The following RGS20 variants were observed in gnomAD, a reference collection of about 807,000 sequenced individuals.
The protein encoded by RGS20 is regulator of G protein signaling 20.
Under a neutral mutation model 33.6 loss-of-function variants are expected in RGS20, and 30 were observed. The ratio of observed to expected loss-of-function variants is 0.89; its 90% CI spans 0.67 to 1.21. The LOEUF (loss-of-function observed/expected upper bound fraction) is 1.21. Ranked by LOEUF, RGS20 falls within the 50% of genes most tolerant of loss-of-function variation. The pLI is 0.00. For missense variants in RGS20, 472 were observed against 502.4 expected (o/e 0.94, Z 0.58); for synonymous variants, 208 against 197.9 (o/e 1.05, Z -0.43).
chr8:53,910,404 C>T (rs1193618278), intron 2 of RGS20, among the ~76,000 whole-genome samples: 3 of 141,004 alleles, frequency 2.1e-5, no homozygotes, highest in Non-Finnish European at 4.6e-5. Flanking sequence ...GCCACTTACG[C>T]CTATTAAAAT....
chr8:53,911,417 A>G (rs1396733855), intron 2 of RGS20, among the ~76,000 whole-genome samples: 6 of 152,242 alleles, frequency 3.9e-5, no homozygotes, highest in African/African-American at 1.4e-4. Flanking sequence ...AGAAAAGCCC[A>G]AACCATCAGA....
rs144346562 is a variant in RGS20 at position 53,950,172 on chromosome 8, A to G, written c.743+3424A>G. Among the ~76,000 whole-genome samples, 6 of 152,324 alleles carry G rather than the reference A, an allele frequency of 3.9e-5. No individual in the cohort carries two copies. In the East Asian group the frequency reaches 1.2e-3, roughly 29 times the overall value. ...ACATTTCTTTAAGAAATGACCTGGA[A>G]GATTTGAAAAGAAATAAAATAGAAG... On this transcript the variant is annotated intron_variant, in intron 4 of 5. Coordinates refer to ENST00000297313, the MANE Select transcript of RGS20 (RefSeq NM_170587.4).
intron 4 of RGS20, among the ~76,000 whole-genome samples, chr8:53,952,476 A>T (rs1175401683): frequency 6.6e-6 from 1 of 151,880 alleles, no homozygotes; most frequent in Non-Finnish European, 1.5e-5. Context: ...CTATAATCCC[A>T]GCACTTCGGG....
Position 53,879,350 on chromosome 8 carries a change from C to T in RGS20, c.258C>T (p.Phe86=). The stretch of plus-strand genomic sequence containing the variant: ...CGCTTTCCAGCCTCGCAAGGTTCTT[C>T]TCTCACCTTCTCCGGCGACCCCCTC... The change falls in exon 2 of 6, where the codon TTC becomes TTT. Residue 86 remains phenylalanine, a synonymous_variant. Transcript: ENST00000297313. The T allele has an allele frequency of 1.2e-6, 2 of 1,612,292 alleles. No homozygotes were observed. Among genetic ancestry groups the T allele is most frequent in the Non-Finnish European group, 1.7e-6 (2 of 1,179,978 alleles).
In RGS20 at chr8:53,857,525, T is replaced by C. The variant is rs537363979; in HGVS notation, c.165+5461T>C. 2.0e-5 allele frequency among the ~76,000 whole-genome samples: 3 copies of C among 152,322 alleles called. No homozygotes were observed. In the South Asian group the frequency reaches 6.2e-4, roughly 32 times the overall value. On this transcript the variant is annotated intron_variant, in intron 1 of 5. Coordinates refer to ENST00000297313, the MANE Select transcript of RGS20 (RefSeq NM_170587.4). ...AGAGGGGGGATGGAGAAAGGGAAGA[T>C]GTTGGTCAAAGGGCACAAAGTATCA...
chr8:53,950,450 T>C (rs1463660216), intron 4 of RGS20, among the ~76,000 whole-genome samples: 2 of 152,138 alleles, frequency 1.3e-5, no homozygotes, highest in African/African-American at 4.8e-5. Context: ...AGTCCAAAAC[T>C]TCAAATTATT....
At chr8:53,938,551 AAAAT>A (rs1483882370) in intron 2 of RGS20, among the ~76,000 whole-genome samples, 5 of 152,206 alleles carry the variant, frequency 3.3e-5, no homozygotes, top group Admixed American at 6.5e-5. Flanking sequence ...TTAAAAAATA[AAAAT>A]AAATAAAATA....
At chr8:53,900,554 T>C (rs902922388) in intron 2 of RGS20, among the ~76,000 whole-genome samples, 3 of 152,156 alleles carry the variant, frequency 2.0e-5, no homozygotes, top group African/African-American at 7.2e-5. Context: ...AAAATATCAA[T>C]AAGTACTAAA....
intron 2 of RGS20, among the ~76,000 whole-genome samples, chr8:53,934,599 T>C (rs543484369): frequency 2.0e-5 from 3 of 152,232 alleles, no homozygotes; most frequent in South Asian, 2.1e-4. Flanking sequence ...GGAGCATCCA[T>C]ATTCATAAAG....
intron 4 of RGS20, among the ~76,000 whole-genome samples, chr8:53,947,662 A>T (rs1177949960): frequency 5.5e-5 from 5 of 90,598 alleles, no homozygotes; most frequent in South Asian, 4.2e-4. Context: ...TATATATGCT[A>T]TATATAGGAT....
intron 1 of RGS20, among the ~76,000 whole-genome samples, chr8:53,868,240 G>A (rs1811964734): frequency 1.3e-5 from 2 of 152,178 alleles, no homozygotes; most frequent in Admixed American, 6.5e-5. Context: ...GGTCTAAGAT[G>A]ATGAATGTGG....
chr8:53,912,181 C>T (rs1813363074), intron 2 of RGS20, among the ~76,000 whole-genome samples: 2 of 152,042 alleles, frequency 1.3e-5, no homozygotes, highest in South Asian at 4.2e-4. Flanking sequence ...TCACCAGTAT[C>T]GCCTCATTTA....
At chr8:53,863,918 A>G (rs1283657707) in intron 1 of RGS20, among the ~76,000 whole-genome samples, 26 of 151,812 alleles carry the variant, frequency 1.7e-4, no homozygotes, top group Admixed American at 1.7e-3. Context: ...TAGTAGAGAC[A>G]GGGTTTCACC....
chr8:53,916,750 C>T (rs1347233422), intron 2 of RGS20, among the ~76,000 whole-genome samples: 2 of 152,066 alleles, frequency 1.3e-5, no homozygotes, highest in East Asian at 1.9e-4. Flanking sequence ...TTCCATAGGC[C>T]GGGTGGCTCA....
intron 2 of RGS20, among the ~76,000 whole-genome samples, chr8:53,910,653 T>G (rs1813325305): frequency 6.6e-6 from 1 of 152,238 alleles, no homozygotes; most frequent in Non-Finnish European, 1.5e-5. Flanking sequence ...ATAGAAGCTT[T>G]ATTCATAAGC....
At chr8:53,882,899 CG>C (rs1307872713) in intron 2 of RGS20, among the ~76,000 whole-genome samples, 1 of 152,114 alleles carries the variant, frequency 6.6e-6, no homozygotes, top group African/African-American at 2.4e-5. Flanking sequence ...AGGGCCCTGG[CG>C]TGGCTTGGCT....
chr8:53,857,917 G>A (rs1296869459), intron 1 of RGS20, among the ~76,000 whole-genome samples: 1 of 151,946 alleles, frequency 6.6e-6, no homozygotes, highest in African/African-American at 2.4e-5. Flanking sequence ...AAATAGATGA[G>A]ATGATGGATA....
At chr8:53,897,773 G>T (rs1812909337) in intron 2 of RGS20, among the ~76,000 whole-genome samples, 1 of 152,144 alleles carries the variant, frequency 6.6e-6, no homozygotes, top group African/African-American at 2.4e-5. Flanking sequence ...CTAAATTTCT[G>T]CAAACTAGAG....
At chr8:53,929,067 C>T (rs926027682) in intron 2 of RGS20, among the ~76,000 whole-genome samples, 1 of 152,072 alleles carries the variant, frequency 6.6e-6, no homozygotes, top group African/African-American at 2.4e-5. Flanking sequence ...TGTATGGTTC[C>T]CTTTATATAA....
Sources: gnomAD v4.1 joint callset for allele counts (sites outside exome capture counted in the v4.1 genomes callset) on GRCh38, gnomAD v4.1.1 for gene constraint, MANE v1.5 for transcripts, NCBI Gene and HGNC (gene_info 2026-07-23, HGNC 2026-07-21) for gene names.